PLB1: variants seen among roughly 807,000 people sequenced by gnomAD.
The protein encoded by PLB1 is phospholipase B1, also known as phospholipase B1, membrane-associated.
Under a neutral mutation model 227.4 loss-of-function variants are expected in PLB1, and 242 were observed. That is an observed-to-expected ratio of 1.06 (90% CI 0.96 to 1.18). The LOEUF (loss-of-function observed/expected upper bound fraction) is 1.18, where lower values mean the gene tolerates loss of function less well. Ranked by LOEUF, PLB1 falls within the 50% of genes most tolerant of loss-of-function variation. The pLI, the probability that PLB1 is intolerant of heterozygous loss-of-function variation, is 0.00. For synonymous variants in PLB1, 757 were observed against 682.2 expected (o/e 1.11, Z -1.71); for missense variants, 1,858 against 1,816.3 (o/e 1.02, Z -0.42).
chr2:28,604,168 G>C (rs1050985726), intron 40 of PLB1, 121 bp downstream of exon 40: 1 of 933,152 alleles, frequency 1.1e-6, no homozygotes, highest in Admixed American at 2.1e-5. Context: ...GTGGGGAGAC[G>C]GGGAGCAGCC....
At position 28,548,483 on chromosome 2, in the gene PLB1, C is replaced by T. The variant is rs538562164; in HGVS notation, c.937-377C>T. The T allele has an allele frequency of 8.7e-6, 4 of 458,072 alleles. No individual in the cohort carries two copies. In the Admixed American group the frequency reaches 1.0e-4, roughly 11 times the overall value. The allele number at this position is 458,072 out of a possible 1,614,324, so 28.4% of individuals were successfully genotyped here. On this transcript the variant is annotated intron_variant, in intron 14 of 57. Transcript: ENST00000327757. ...GCTAGATGTTTGGTTGGATGCAGGA[C>T]ACCAATGTTGGAGTCCCAGCTCTGT...
chr2:28,591,065 A>AG, intron 29 of PLB1, 68 bp from the exon 30 acceptor site: 1 of 1,593,724 alleles, frequency 6.3e-7, no homozygotes, highest in Non-Finnish European at 8.6e-7. Context: ...GCCGACACTT[A>AG]ACTGAGTGCT....
intron 1 of PLB1, among the ~76,000 whole-genome samples, chr2:28,504,915 G>C (rs901642744): frequency 2.6e-5 from 4 of 152,064 alleles, no homozygotes; most frequent in African/African-American, 9.7e-5. Context: ...ATTGCATGGT[G>C]CTCAGACTCC....
intron 1 of PLB1, among the ~76,000 whole-genome samples, chr2:28,506,615 GC>G (rs1667665336): frequency 6.6e-6 from 1 of 152,194 alleles, no homozygotes; most frequent in African/African-American, 2.4e-5. Flanking sequence ...GGAGTGACCG[GC>G]CTAAGGTCAT....
At chr2:28,632,197 G>A in intron 55 of PLB1, 57 bp downstream of exon 55, 1 of 1,376,502 alleles carries the variant, frequency 7.3e-7, no homozygotes, top group Non-Finnish European at 1.0e-6. Context: ...ACAGACGATG[G>A]ATGTATTTCC....
chr2:28,597,245 C>T (rs1359202763), intron 33 of PLB1, among the ~76,000 whole-genome samples: 3 of 126,368 alleles, frequency 2.4e-5, no homozygotes, highest in Non-Finnish European at 4.7e-5. Context: ...GCCTGGGCGA[C>T]AGAGCAAGAC....
chr2:28,525,996 A>G lies in PLB1; in HGVS notation c.325+51A>G, dbSNP rs955577476. On this transcript the variant is annotated intron_variant, in intron 6 of 57. Coordinates refer to ENST00000327757, the MANE Select transcript of PLB1 (RefSeq NM_153021.5). ...TTTCAGAGTGCCCCTCTCCTTCCCA[A>G]CACAGCAGCATCCTCTCTAATAAAG... 6 of 1,598,224 alleles carry G rather than the reference A, an allele frequency of 3.8e-6. 1 individual carries two copies. The South Asian group carries it at 4.4e-5, about 12-fold the overall frequency.
chr2:28,592,719 C>T lies in PLB1; in HGVS notation c.2247C>T (p.Thr749=), dbSNP rs144850480. 374 of 1,613,786 alleles carry T rather than the reference C, an allele frequency of 2.3e-4. No individual in the cohort carries two copies. Among genetic ancestry groups the T allele is most frequent in the Non-Finnish European group, 2.9e-4 (347 of 1,179,904 alleles). The change falls in exon 32 of 58, where the codon ACC becomes ACT. Residue 749 remains threonine (T), a splice_region_variant and synonymous_variant. Coordinates refer to ENST00000327757, the MANE Select transcript of PLB1 (RefSeq NM_153021.5). ...TGGCTGCTCTGGGGGATTCTCTGAC[C>T]GTAAGGACTCTTGGGCCCCAGGTGG... ...QVVAALGDSL[T]AGNGIGSKPD...
chr2:28,606,892 G>A (rs1684758228), intron 43 of PLB1, among the ~76,000 whole-genome samples: 1 of 152,188 alleles, frequency 6.6e-6, no homozygotes, highest in Admixed American at 6.5e-5. Flanking sequence ...GCTTCTCTTA[G>A]CAGTGGTGTT....
At chr2:28,600,080 C>A (rs116824683) in intron 35 of PLB1, among the ~76,000 whole-genome samples, 3 of 151,774 alleles carry the variant, frequency 2.0e-5, no homozygotes, top group Admixed American at 6.6e-5. Context: ...GCTAATTTTT[C>A]TGTAATTTTT....
chr2:28,570,657 G>A (rs779185668), intron 20 of PLB1, among the ~76,000 whole-genome samples: 1 of 152,140 alleles, frequency 6.6e-6, no homozygotes, highest in Non-Finnish European at 1.5e-5. Context: ...GTGGTGGCGG[G>A]TGCCTGTAAT....
intron 4 of PLB1, among the ~76,000 whole-genome samples, chr2:28,521,263 T>G (rs781207583): frequency 3.3e-5 from 5 of 152,244 alleles, no homozygotes; most frequent in Non-Finnish European, 7.3e-5. Context: ...TTCAAGTCCC[T>G]GCTTTCATTT....
intron 21 of PLB1, among the ~76,000 whole-genome samples, chr2:28,575,625 C>T (rs13403170): frequency 0.26 from 39,298 of 152,048 alleles, 5,976 homozygotes; most frequent in African/African-American, 0.42. Flanking sequence ...GGCTGGAGTG[C>T]AGTGGCGCGA....
chr2:28,517,033 C>T (rs1348205459), intron 2 of PLB1, among the ~76,000 whole-genome samples, 164 bp downstream of exon 2: 1 of 152,158 alleles, frequency 6.6e-6, no homozygotes, highest in Admixed American at 6.5e-5. Context: ...GCCGGGGTGT[C>T]CGGCAGAGTG....
chr2:28,593,138 G>A (rs543548319), intron 32 of PLB1, among the ~76,000 whole-genome samples: 1 of 152,254 alleles, frequency 6.6e-6, no homozygotes, highest in Admixed American at 6.5e-5. Flanking sequence ...TGTGGATGAA[G>A]CTCTGCTCCT....
At chr2:28,633,416 G>GA in intron 56 of PLB1, 1 of 211,178 alleles carries the variant, frequency 4.7e-6, no homozygotes. Context: ...ATAAAACAGT[G>GA]AAAACAAGAC....
intron 33 of PLB1, chr2:28,594,139 G>A (rs1682503678): frequency 6.0e-6 from 3 of 502,300 alleles, no homozygotes. Flanking sequence ...TATTCATGTT[G>A]TCTTGTAGTC....
At chr2:28,601,469 CCACACACACACACACACA>C (rs3071740) in intron 37 of PLB1, 137 bp downstream of exon 37, 3 of 600,184 alleles carry the variant, frequency 5.0e-6, no homozygotes, top group Admixed American at 4.9e-5. Flanking sequence ...TATACACATA[CCACACACACACACACACA>C]CACACACACA....
intron 1 of PLB1, among the ~76,000 whole-genome samples, chr2:28,512,114 G>A (rs114283986): frequency 0.018 from 2,231 of 123,370 alleles, 59 homozygotes; most frequent in African/African-American, 0.068. Flanking sequence ...TCTTCTTCTG[G>A]GGCTCATATT....
Sources: gnomAD v4.1 joint callset for allele counts (sites outside exome capture counted in the v4.1 genomes callset) on GRCh38, gnomAD v4.1.1 for gene constraint, MANE v1.5 for transcripts, NCBI Gene and HGNC (gene_info 2026-07-23, HGNC 2026-07-21) for gene names.